Variants in NSF observed in about 807,000 individuals in gnomAD.
NSF encodes vesicle-fusing ATPase.
In NSF, 14 loss-of-function variants were observed where a neutral mutation model predicts 50.3. The observed-to-expected ratio is 0.28, with a 90% CI of 0.18 to 0.44. The LOEUF is 0.44. Ranked by LOEUF, NSF falls within the 20% of genes least tolerant of loss-of-function variation. The pLI, the probability that NSF is intolerant of heterozygous loss-of-function variation, is 1.00. For missense variants in NSF, 218 were observed against 504.3 expected, an observed-to-expected ratio of 0.43 and a Z score of 5.44; for synonymous variants, 109 against 175.7, an observed-to-expected ratio of 0.62 and a Z score of 3.00.
chr17:46,708,420 A>G (rs2058677981), intron 13 of NSF, among the ~76,000 whole-genome samples: 1 of 148,660 alleles, frequency 6.7e-6, no homozygotes, highest in Non-Finnish European at 1.5e-5. Flanking sequence ...TCTAGTTTTG[A>G]TTTGTATTTT....
At chr17:46,746,675 G>A (rs1415124484) in intron 17 of NSF, among the ~76,000 whole-genome samples, 1 of 151,942 alleles carries the variant, frequency 6.6e-6, no homozygotes, top group African/African-American at 2.4e-5. Context: ...GTTTTTCTTT[G>A]TAAAGACAGG....
chr17:46,694,385 T>C, intron 11 of NSF, 90 bp from the exon 12 acceptor site: 1 of 1,087,020 alleles, frequency 9.2e-7, no homozygotes, highest in Non-Finnish European at 1.3e-6. Context: ...AGACTCTGTC[T>C]CAAAATAATA....
Position 46,755,941 on chromosome 17 carries a change from A to G in NSF, c.*118A>G, listed in dbSNP as rs1008242204. 6.4e-6 allele frequency: 6 copies of G among 940,996 alleles called. No homozygotes were observed. In the African/African-American group the frequency reaches 8.2e-5, roughly 13 times the overall value. The allele number at this position is 940,996 out of a possible 1,614,324, so 58.3% of individuals were successfully genotyped here. A position where few individuals can be genotyped will look rare whatever the true frequency, so the allele number is the denominator to read the frequency against. On this transcript the variant is annotated 3_prime_UTR_variant, in exon 21 of 21. Coordinates refer to ENST00000398238, the MANE Select transcript of NSF (RefSeq NM_006178.4). ...AAGTGGAACGTTCTCTACCTTCAAC[A>G]TGTGCTCGCTCTGCATGATTAGTGC...
At position 46,693,157 on chromosome 17, in the gene NSF, GT is replaced by G; in HGVS notation, c.1111+93del. ...GATGTGTGTAGGTTGTGATTAAACT[GT>G]TTTGCCAGTGTTTCCAAATTAGAAT... On this transcript the variant is annotated intron_variant, in intron 10 of 20. Coordinates refer to ENST00000398238, the MANE Select transcript of NSF (RefSeq NM_006178.4). 3 of 1,191,798 alleles carry G rather than the reference GT, an allele frequency of 2.5e-6. No individual in the cohort carries two copies. In the East Asian group the frequency reaches 9.4e-5, roughly 38 times the overall value. 73.8% of individuals were successfully genotyped at this position (1,191,798 alleles called of 1,614,324 possible).
At chr17:46,749,470 G>A (rs1374510861) in intron 17 of NSF, among the ~76,000 whole-genome samples, 3 of 152,158 alleles carry the variant, frequency 2.0e-5, no homozygotes, top group Non-Finnish European at 4.4e-5. Flanking sequence ...TCTGAGGAAG[G>A]AATTACATAC....
At chr17:46,708,544 T>C (rs2146255888) in intron 13 of NSF, among the ~76,000 whole-genome samples, 1 of 144,740 alleles carries the variant, frequency 6.9e-6, no homozygotes, top group East Asian at 2.0e-4. Flanking sequence ...CAGGCTGGAG[T>C]GCAGTGGCAC....
intron 9 of NSF, among the ~76,000 whole-genome samples, chr17:46,690,663 T>G: frequency 8.8e-6 from 1 of 113,948 alleles, no homozygotes; most frequent in Non-Finnish European, 1.8e-5. Flanking sequence ...TGGGAAAGGG[T>G]TTAAAATAAT....
At chr17:46,727,211 C>T (rs1324369947) in intron 16 of NSF, among the ~76,000 whole-genome samples, 1 of 152,158 alleles carries the variant, frequency 6.6e-6, no homozygotes, top group Non-Finnish European at 1.5e-5. Flanking sequence ...TAAATATCTC[C>T]TGTGTTGAAG....
At chr17:46,755,173 T>C in intron 19 of NSF, 141 bp from the exon 20 acceptor site, 1 of 652,016 alleles carries the variant, frequency 1.5e-6, no homozygotes, top group Non-Finnish European at 2.8e-6. Context: ...GTGAGAATGC[T>C]GGTCAAGGAG....
intron 16 of NSF, among the ~76,000 whole-genome samples, chr17:46,728,616 A>G (rs1350434641): frequency 6.6e-6 from 1 of 152,092 alleles, no homozygotes; most frequent in East Asian, 1.9e-4. Context: ...AGTTACAGAT[A>G]AGAGTTCTTA....
intron 15 of NSF, among the ~76,000 whole-genome samples, chr17:46,718,890 A>G (rs1308569232): frequency 6.6e-6 from 1 of 152,154 alleles, no homozygotes; most frequent in Non-Finnish European, 1.5e-5. Flanking sequence ...CCTTATGACA[A>G]ATTCTCAGAA....
intron 13 of NSF, among the ~76,000 whole-genome samples, chr17:46,708,373 T>C (rs930607108): frequency 6.6e-6 from 1 of 152,194 alleles, no homozygotes; most frequent in Non-Finnish European, 1.5e-5. Context: ...GTTTTTTTGG[T>C]AGTAGCCATC....
chr17:46,742,557 G>C (rs867559681), intron 17 of NSF, among the ~76,000 whole-genome samples: 3 of 152,238 alleles, frequency 2.0e-5, no homozygotes, highest in African/African-American at 7.2e-5. Flanking sequence ...CTGGAGGAGG[G>C]AAAGGGCAGG....
chr17:46,703,703 A>C (rs2058630543), intron 12 of NSF, among the ~76,000 whole-genome samples: 1 of 146,396 alleles, frequency 6.8e-6, no homozygotes, highest in Admixed American at 7.0e-5. Flanking sequence ...AAAAAAAAAA[A>C]ACAAAAAACA....
chr17:46,729,129 C>G (rs2058922961), intron 17 of NSF, among the ~76,000 whole-genome samples, 195 bp downstream of exon 17: 1 of 152,094 alleles, frequency 6.6e-6, no homozygotes, highest in South Asian at 2.1e-4. Flanking sequence ...CATTCCTTTT[C>G]TGAAGAAATC....
At chr17:46,717,811 G>A (rs923599247) in intron 15 of NSF, among the ~76,000 whole-genome samples, 3 of 152,198 alleles carry the variant, frequency 2.0e-5, no homozygotes, top group African/African-American at 7.2e-5. Flanking sequence ...AGCGAACAAG[G>A]TGACGGAAAT....
chr17:46,745,197 C>G (rs868750971), intron 17 of NSF, among the ~76,000 whole-genome samples: 272 of 152,304 alleles, frequency 1.8e-3, no homozygotes, highest in African/African-American at 6.3e-3. Flanking sequence ...CAGTGTTTCC[C>G]TTCAGACGAA....
At chr17:46,687,190 T>C (rs915394000) in intron 9 of NSF, among the ~76,000 whole-genome samples, 2 of 70,114 alleles carry the variant, frequency 2.9e-5, no homozygotes, top group Non-Finnish European at 2.7e-5. Context: ...TCTGTCCTGC[T>C]TTTATATTCC....
intron 17 of NSF, among the ~76,000 whole-genome samples, chr17:46,734,011 C>A (rs965572713): frequency 6.6e-6 from 1 of 152,180 alleles, no homozygotes; most frequent in African/African-American, 2.4e-5. Flanking sequence ...TGGGTAGACA[C>A]ACTTGTTTCT....
Sources: allele counts gnomAD v4.1 joint callset (sites outside exome capture counted in the v4.1 genomes callset), GRCh38; gene constraint gnomAD v4.1.1; transcripts MANE v1.5; gene names NCBI Gene and HGNC (gene_info 2026-07-23, HGNC 2026-07-21).